MBD5: variants seen among roughly 807,000 people sequenced by gnomAD.
The protein encoded by MBD5 is methyl-CpG-binding domain protein 5.
In MBD5, 13 loss-of-function variants were observed where a neutral mutation model predicts 117.3. The observed-to-expected ratio is 0.11, with a 90% confidence interval of 0.07 to 0.18. The LOEUF is 0.18. MBD5 is among the 10% of genes least tolerant of loss of function. MBD5 has a pLI of 1.00. For synonymous variants in MBD5, 727 were observed against 766.4 expected (o/e 0.95, Z 0.85); for missense variants, 1,879 against 2,093.8 (o/e 0.90, Z 2.00).
chr2:148,089,500 A>G (rs1695881889), intron 1 of MBD5, among the ~76,000 whole-genome samples: 1 of 152,146 alleles, frequency 6.6e-6, no homozygotes, highest in African/African-American at 2.4e-5. Context: ...GTACCCTCTC[A>G]GACCACAGTG....
intron 3 of MBD5, among the ~76,000 whole-genome samples, chr2:148,324,357 T>C (rs1467396929): frequency 6.6e-6 from 1 of 152,212 alleles, no homozygotes; most frequent in Non-Finnish European, 1.5e-5. Flanking sequence ...AAAGTAGTTT[T>C]TTCCAATTCT....
At chr2:148,342,014 T>C (rs1702961099) in intron 3 of MBD5, among the ~76,000 whole-genome samples, 200 bp from the exon 4 acceptor site, 1 of 152,038 alleles carries the variant, frequency 6.6e-6, no homozygotes. Flanking sequence ...GAAAATAAAG[T>C]ATAGAACATT....
chr2:148,305,035 A>G (rs1287346049), intron 3 of MBD5, among the ~76,000 whole-genome samples: 1 of 151,526 alleles, frequency 6.6e-6, no homozygotes, highest in Admixed American at 6.6e-5. Flanking sequence ...ACTGCACTCC[A>G]GCCTGGGCGA....
chr2:148,348,031 A>G (rs889519418), intron 4 of MBD5, among the ~76,000 whole-genome samples: 1 of 151,996 alleles, frequency 6.6e-6, no homozygotes, highest in Non-Finnish European at 1.5e-5. Context: ...ATCACCTTGT[A>G]CGATGGAAAT....
chr2:148,057,005 A>G (rs1234425), intron 1 of MBD5, among the ~76,000 whole-genome samples: 151,649 of 151,914 alleles, frequency 1, 75,692 homozygotes, highest in Non-Finnish European at 1. Context: ...ACATTCATTG[A>G]CATAAAGTTC....
intron 2 of MBD5, among the ~76,000 whole-genome samples, chr2:148,201,325 G>C (rs1018119212): frequency 7.9e-5 from 12 of 152,258 alleles, no homozygotes; most frequent in Non-Finnish European, 1.3e-4. Flanking sequence ...GACTCCCACA[G>C]TGGGCTCTGG....
intron 4 of MBD5, among the ~76,000 whole-genome samples, chr2:148,387,381 C>T (rs188915560): frequency 1.4e-4 from 21 of 152,024 alleles, no homozygotes; most frequent in African/African-American, 4.8e-4. Flanking sequence ...AACCTCTTTG[C>T]AAAATAGAAA....
chr2:148,160,802 G>A (rs1280379770), intron 1 of MBD5, among the ~76,000 whole-genome samples: 3 of 152,132 alleles, frequency 2.0e-5, no homozygotes, highest in Non-Finnish European at 4.4e-5. Flanking sequence ...GAATTACAAA[G>A]GAGTTAATAA....
intron 7 of MBD5, among the ~76,000 whole-genome samples, chr2:148,466,949 A>G (rs1205321880): frequency 6.6e-6 from 1 of 152,224 alleles, no homozygotes; most frequent in Non-Finnish European, 1.5e-5. Flanking sequence ...TAGGAAAAAT[A>G]TATTTAATCT....
At chr2:148,107,113 C>T (rs1200198644) in intron 1 of MBD5, among the ~76,000 whole-genome samples, 1 of 151,934 alleles carries the variant, frequency 6.6e-6, no homozygotes, top group Non-Finnish European at 1.5e-5. Flanking sequence ...ACCTCTCAAT[C>T]CTTATTTATC....
At chr2:148,238,773 A>G (rs1490622469) in intron 3 of MBD5, among the ~76,000 whole-genome samples, 2 of 151,944 alleles carry the variant, frequency 1.3e-5, no homozygotes, top group African/African-American at 4.8e-5. Context: ...TAGACATATT[A>G]CTTCAATCTT....
intron 1 of MBD5, among the ~76,000 whole-genome samples, chr2:148,161,630 A>G (rs1388404504): frequency 6.6e-6 from 1 of 152,078 alleles, no homozygotes; most frequent in East Asian, 1.9e-4. Context: ...TATTTGGGAC[A>G]ATGTTTCACA....
chr2:148,349,700 C>G (rs1464649179), intron 4 of MBD5, among the ~76,000 whole-genome samples: 1 of 151,852 alleles, frequency 6.6e-6, no homozygotes, highest in Non-Finnish European at 1.5e-5. Context: ...ATGTTTAGAT[C>G]TGGCTAAAAG....
intron 1 of MBD5, among the ~76,000 whole-genome samples, chr2:148,086,967 G>A (rs1409112973): frequency 6.6e-6 from 1 of 152,026 alleles, no homozygotes; most frequent in Non-Finnish European, 1.5e-5. Flanking sequence ...ACAGAAAAGA[G>A]GAAGCAAAAA....
At chr2:148,411,508 T>A (rs1462273421) in intron 4 of MBD5, among the ~76,000 whole-genome samples, 1 of 120,744 alleles carries the variant, frequency 8.3e-6, no homozygotes, top group Admixed American at 1.0e-4. Flanking sequence ...TACCAGCATC[T>A]GTTCTTTTTT....
intron 1 of MBD5, among the ~76,000 whole-genome samples, chr2:148,132,785 T>C (rs1403053742): frequency 6.6e-6 from 1 of 152,192 alleles, no homozygotes; most frequent in Admixed American, 6.5e-5. Flanking sequence ...TTTCAAGATA[T>C]TTTGGATTTT....
At chr2:148,290,757 C>T (rs1352610609) in intron 3 of MBD5, among the ~76,000 whole-genome samples, 1 of 152,046 alleles carries the variant, frequency 6.6e-6, no homozygotes, top group Non-Finnish European at 1.5e-5. Flanking sequence ...TTTTATTCAT[C>T]AATTGATGAA....
At chr2:148,510,158 T>G in intron 13 of MBD5, 23 bp downstream of exon 13, 1 of 1,536,538 alleles carries the variant, frequency 6.5e-7, no homozygotes, top group Non-Finnish European at 9.0e-7. Flanking sequence ...ATTTTTCCAT[T>G]ATACTACGTT....
At chr2:148,350,821 T>C (rs13382717) in intron 4 of MBD5, among the ~76,000 whole-genome samples, 154 of 152,170 alleles carry the variant, frequency 1.0e-3, no homozygotes, top group Admixed American at 2.0e-3. Context: ...TGAGACACAA[T>C]TTCTTACTGA....
Sources: allele counts gnomAD v4.1 joint callset (sites outside exome capture counted in the v4.1 genomes callset), GRCh38; gene constraint gnomAD v4.1.1; transcripts MANE v1.5; gene names NCBI Gene and HGNC (gene_info 2026-07-23, HGNC 2026-07-21).